The following SBF2 variants were observed in gnomAD, a reference collection of about 807,000 sequenced individuals.
SBF2 encodes SET binding factor 2.
In SBF2, 112 loss-of-function variants were observed where a neutral mutation model predicts 225.2. That is an observed-to-expected ratio of 0.50 (90% CI 0.43 to 0.58). The LOEUF is 0.58. Among genes scored for constraint, SBF2 ranks in the 20% least tolerant of loss-of-function variants. The pLI is 0.00. For synonymous variants in SBF2, 763 were observed against 773.3 expected, an observed-to-expected ratio of 0.99 and a Z score of 0.22; for missense variants, 1,996 against 2,206.2, an observed-to-expected ratio of 0.90 and a Z score of 1.91.
chr11:10,115,055 T>C (rs1395735500), intron 2 of SBF2, among the ~76,000 whole-genome samples: 2 of 152,220 alleles, frequency 1.3e-5, no homozygotes, highest in Non-Finnish European at 2.9e-5. Context: ...CTCAAGTTTG[T>C]AGGAATTGTT....
intron 16 of SBF2, among the ~76,000 whole-genome samples, chr11:9,912,831 C>A (rs1340713242): frequency 2.0e-5 from 3 of 152,228 alleles, no homozygotes; most frequent in African/African-American, 4.8e-5. Flanking sequence ...AAAATGGCAT[C>A]ATGAAGAGTC....
At chr11:10,267,590 TTTTC>T (rs1962118493) in intron 1 of SBF2, among the ~76,000 whole-genome samples, 1 of 151,900 alleles carries the variant, frequency 6.6e-6, no homozygotes, top group Admixed American at 6.6e-5. Flanking sequence ...CTGCATTTTC[TTTTC>T]TTTCTTTTTT....
In SBF2 at chr11:9,839,704, G is replaced by A. The variant is rs1855976609; in HGVS notation, c.3257-8C>T. ...GCTCACTCTCATCTGAAACTGTGATGGTAGAGACAGATATCGAAGAAATGA... is the reference window on the plus strand; with the variant it reads ...GCTCACTCTCATCTGAAACTGTGATAGTAGAGACAGATATCGAAGAAATGA... On this transcript the variant is annotated splice_region_variant and splice_polypyrimidine_tract_variant and intron_variant, in intron 25 of 39. Coordinates refer to ENST00000256190, the MANE Select transcript of SBF2 (RefSeq NM_030962.4). 1 of 1,610,042 alleles carries A rather than the reference G, an allele frequency of 6.2e-7. No homozygotes were observed. Among genetic ancestry groups the A allele is most frequent in the African/African-American group, 1.3e-5 (1 of 74,782 alleles).
In SBF2 at chr11:9,816,866, T is replaced by G; in HGVS notation, c.3952A>C (p.Ile1318Leu). ...CTTAGTTGCGACTTTTCACCAAATA[T>G]GTAAAGGGCTGCTTGCCGTTTCAAG... ...QLLKRQAALY[I>L]FGEKSQLRNF... The change falls in exon 29 of 40, where the codon ATA (isoleucine) becomes CTA (leucine). Residue 1318 changes from isoleucine (I) to leucine (L), a missense_variant. Ile to Leu is a conservative substitution (Grantham distance 5). Transcript: ENST00000256190. The G allele has an allele frequency of 6.2e-7, 1 of 1,614,152 alleles. No individual in the cohort carries two copies. The highest frequency in any genetic ancestry group is 8.5e-7 in the Non-Finnish European group (1 of 1,180,022).
chr11:10,295,615 C>G (rs1252785263), upstream of SBF2, among the ~76,000 whole-genome samples: 1 of 152,086 alleles, frequency 6.6e-6, no homozygotes, highest in African/African-American at 2.4e-5. Context: ...AGTCATACCC[C>G]GTGCAGCAAT....
At chr11:10,107,734 C>T (rs1246009522) in intron 2 of SBF2, among the ~76,000 whole-genome samples, 3 of 152,194 alleles carry the variant, frequency 2.0e-5, no homozygotes, top group African/African-American at 7.2e-5. Context: ...TGTCTCCTCC[C>T]CTCTCTTCTA....
At chr11:10,096,390 C>A (rs1952024722) in intron 2 of SBF2, among the ~76,000 whole-genome samples, 1 of 138,484 alleles carries the variant, frequency 7.2e-6, no homozygotes, top group Admixed American at 7.7e-5. Flanking sequence ...TTTTTAACTA[C>A]TCAATTTGAT....
chr11:10,292,471 G>A (rs569871091), intron 1 of SBF2, among the ~76,000 whole-genome samples: 1 of 152,172 alleles, frequency 6.6e-6, no homozygotes, highest in Non-Finnish European at 1.5e-5. Context: ...CACGAGATCA[G>A]GAGTTCAAGA....
At chr11:10,063,751 A>C (rs1590869635) in intron 2 of SBF2, among the ~76,000 whole-genome samples, 4 of 152,068 alleles carry the variant, frequency 2.6e-5, no homozygotes, top group Admixed American at 2.0e-4. Context: ...AAATCAAATG[A>C]TATTCACAAC....
intron 2 of SBF2, among the ~76,000 whole-genome samples, chr11:10,165,268 T>C (rs1012370097): frequency 2.0e-5 from 3 of 152,152 alleles, no homozygotes; most frequent in African/African-American, 7.2e-5. Context: ...TGATGTGAGA[T>C]TGTAAGATAT....
At position 10,270,721 on chromosome 11, in the gene SBF2, C is replaced by T. The variant is rs565704659; in HGVS notation, c.55+23294G>A. ...TTAAGAAGTAAAATGAGGACGGGCG[C>T]GGTGGCTCACGCCTGTAATCCCAGC... On this transcript the variant is annotated intron_variant, in intron 1 of 39. Coordinates refer to ENST00000256190, the MANE Select transcript of SBF2 (RefSeq NM_030962.4). 1.6e-4 allele frequency among the ~76,000 whole-genome samples: 25 copies of T among 152,110 alleles called. 1 individual carries two copies. In the South Asian group the frequency reaches 1.7e-3, roughly 10 times the overall value.
At chr11:10,009,450 C>G (rs1480223252) in intron 6 of SBF2, among the ~76,000 whole-genome samples, 2 of 152,100 alleles carry the variant, frequency 1.3e-5, no homozygotes. Flanking sequence ...TGATGTTCCC[C>G]TCCCTGTGTC....
chr11:10,110,052 T>C (rs949351563), intron 2 of SBF2, among the ~76,000 whole-genome samples: 1 of 152,210 alleles, frequency 6.6e-6, no homozygotes, highest in Non-Finnish European at 1.5e-5. Flanking sequence ...ATCATCTCCA[T>C]GGAGGAAATC....
At chr11:10,261,326 C>T (rs1461722450) in intron 1 of SBF2, among the ~76,000 whole-genome samples, 2 of 152,202 alleles carry the variant, frequency 1.3e-5, no homozygotes, top group African/African-American at 4.8e-5. Flanking sequence ...TCTCAACTTA[C>T]CGGGTAGTGG....
chr11:10,014,451 C>T lies in SBF2; in HGVS notation c.620-11762G>A, dbSNP rs569866274. Among the ~76,000 whole-genome samples the T allele has an allele frequency of 4.4e-5, 6 of 135,740 alleles. No homozygotes were observed. The South Asian group carries it at 1.0e-3, about 23-fold the overall frequency. 89.1% of individuals were successfully genotyped at this position (135,740 alleles called of 152,430 possible). On this transcript the variant is annotated intron_variant, in intron 6 of 39. Transcript: ENST00000256190. The stretch of plus-strand genomic sequence containing the variant: ...TAACATCAACATACTTATTCATTTG[C>T]TAAATCCTGTATTACACATAAAAGA...
At chr11:10,026,395 T>C (rs1256717268) in intron 6 of SBF2, among the ~76,000 whole-genome samples, 1 of 152,144 alleles carries the variant, frequency 6.6e-6, no homozygotes, top group African/African-American at 2.4e-5. Context: ...CAATGGTTAG[T>C]AGGGACCACA....
chr11:10,152,725 T>G (rs1370999007), intron 2 of SBF2, among the ~76,000 whole-genome samples: 1 of 152,118 alleles, frequency 6.6e-6, no homozygotes, highest in Non-Finnish European at 1.5e-5. Flanking sequence ...AAAGTCAAAG[T>G]ATACCATAAG....
At chr11:10,159,939 A>G (rs1955657483) in intron 2 of SBF2, among the ~76,000 whole-genome samples, 1 of 151,866 alleles carries the variant, frequency 6.6e-6, no homozygotes, top group African/African-American at 2.4e-5. Context: ...TGATTTGAGT[A>G]ATGATAAAAC....
intron 1 of SBF2, among the ~76,000 whole-genome samples, chr11:10,223,399 T>TTATA (rs3074175): frequency 0.04 from 2,322 of 58,442 alleles, 143 homozygotes; most frequent in Middle Eastern, 0.059. Context: ...ATTTTGCACA[T>TTATA]TATATATATA....
Sources: gnomAD v4.1 joint callset for allele counts (sites outside exome capture counted in the v4.1 genomes callset) on GRCh38, gnomAD v4.1.1 for gene constraint, MANE v1.5 for transcripts, NCBI Gene and HGNC (gene_info 2026-07-23, HGNC 2026-07-21) for gene names.